Variants in GLRX3 observed in about 807,000 individuals in gnomAD.
GLRX3 encodes the protein glutaredoxin 3.
A neutral mutation model predicts 49.5 loss-of-function variants in GLRX3; 22 were observed. That is an observed-to-expected ratio of 0.44 (90% confidence interval 0.32 to 0.63). GLRX3 has a LOEUF of 0.63. GLRX3 is among the 30% of genes least tolerant of loss of function. The probability of loss-of-function intolerance (pLI) is 0.05; values close to 1 mark genes in which losing one functional copy is unlikely to be tolerated. For synonymous variants in GLRX3, 133 were observed against 140.0 expected (o/e 0.95, Z 0.35); for missense variants, 385 against 396.3 (o/e 0.97, Z 0.24).
At chr10:130,148,127 T>C (rs535659613) in intron 2 of GLRX3, among the ~76,000 whole-genome samples, 1 of 152,224 alleles carries the variant, frequency 6.6e-6, no homozygotes, top group African/African-American at 2.4e-5. Context: ...TCATCTTGTG[T>C]CTATTTGATT....
rs1040613823 is a variant in GLRX3, at chr10:130,160,913, G to A, written c.394G>A (p.Asp132Asn). Residue 132 changes from aspartate to asparagine, a missense_variant, in exon 4 of 11, where the codon GAT becomes AAT. Asp to Asn is a conservative substitution (Grantham distance 23, BLOSUM62 1). Transcript: ENST00000331244. Reference sequence around the variant, plus strand: ...CAGCGCTAATGAACATCTTAAAGAAGATCTCAACCTTCGCTTGAAGAAATT... The same window carrying A: ...CAGCGCTAATGAACATCTTAAAGAAAATCTCAACCTTCGCTTGAAGAAATT... Reference protein sequence around the residue: ...LPSANEHLKEDLNLRLKKLTH... With the variant: ...LPSANEHLKENLNLRLKKLTH... The A allele has an allele frequency of 1.9e-6, 3 of 1,613,594 alleles. No individual in the cohort carries two copies. The highest frequency in any genetic ancestry group is 1.3e-5 in the African/African-American group (1 of 75,018).
At chr10:130,160,703 C>G (rs1240453329) in intron 3 of GLRX3, 93 bp from the exon 4 acceptor site, 11 of 738,680 alleles carry the variant, frequency 1.5e-5, no homozygotes, top group Admixed American at 2.2e-5. Context: ...TTTTACATCT[C>G]CGGTAATACT....
rs1036790503 is a variant in GLRX3, at chr10:130,160,952, C to G, written c.433C>G (p.Pro145Ala). Residue 145 changes from proline (P) to alanine (A), a missense_variant, in exon 4 of 11, where the codon CCC (proline) becomes GCC (alanine). Pro to Ala is a conservative substitution (Grantham distance 27, BLOSUM62 -1). Around this residue, in one of 2 missense-constraint regions of GLRX3, gnomAD observed 374 missense variants for 358.6 expected, o/e 1.04. Coordinates refer to ENST00000331244, the MANE Select transcript of GLRX3 (RefSeq NM_006541.5). ...CTTGAAGAAATTGACTCATGCTGCC[C>G]CCTGCATGCTGTTTATGAAAGGAAC... The part of the protein sequence containing the change: ...LRLKKLTHAA[P>A]CMLFMKGTPQ... 6.2e-7 allele frequency: 1 copy of G among 1,613,462 alleles called. No homozygotes were observed. Among genetic ancestry groups the G allele is most frequent in the South Asian group, 1.1e-5 (1 of 91,064 alleles).
At chr10:130,138,301 C>G (rs1245955661) in intron 1 of GLRX3, among the ~76,000 whole-genome samples, 2 of 152,150 alleles carry the variant, frequency 1.3e-5, no homozygotes, top group Non-Finnish European at 2.9e-5. Flanking sequence ...TCAAGTGATT[C>G]GCCTGCCTCG....
At chr10:130,153,448 G>A (rs1210831553) in intron 2 of GLRX3, among the ~76,000 whole-genome samples, 1 of 152,130 alleles carries the variant, frequency 6.6e-6, no homozygotes. Flanking sequence ...ATCTACCTTT[G>A]GTCTTTGATG....
At chr10:130,136,773 C>T (rs993860620) in intron 1 of GLRX3, among the ~76,000 whole-genome samples, 2 of 152,150 alleles carry the variant, frequency 1.3e-5, no homozygotes, top group African/African-American at 2.4e-5. Context: ...GGCTCCGACC[C>T]CGACGGCTGT....
chr10:130,173,026 A>G (rs547161656), intron 8 of GLRX3, among the ~76,000 whole-genome samples: 3 of 152,350 alleles, frequency 2.0e-5, no homozygotes, highest in South Asian at 2.1e-4. Context: ...TGTAACTTCA[A>G]GCCTGTTCCT....
chr10:130,159,969 C>A, intron 2 of GLRX3, 26 bp from the exon 3 acceptor site: 3 of 1,454,398 alleles, frequency 2.1e-6, no homozygotes, highest in South Asian at 1.1e-5. Flanking sequence ...TTGTAATAAT[C>A]AAGCTTGAAT....
intron 1 of GLRX3, among the ~76,000 whole-genome samples, chr10:130,138,370 A>T (rs73389563): frequency 0.037 from 5,608 of 152,120 alleles, 193 homozygotes; most frequent in East Asian, 0.1. Context: ...TGTTGATCTA[A>T]ATTGAGTGAA....
chr10:130,168,184 A>G (rs549135944), intron 6 of GLRX3, among the ~76,000 whole-genome samples: 26 of 152,216 alleles, frequency 1.7e-4, no homozygotes, highest in Non-Finnish European at 3.1e-4. Context: ...TGGAGTAATA[A>G]TTTAAAGGGC....
chr10:130,166,729 A>G (rs1310033386), intron 5 of GLRX3, 50 bp downstream of exon 5: 1 of 1,268,642 alleles, frequency 7.9e-7, no homozygotes. Flanking sequence ...TTTAGAGCAT[A>G]CTTTTTAAAA....
chr10:130,158,494 G>A (rs1440853711), intron 2 of GLRX3, among the ~76,000 whole-genome samples: 1 of 151,716 alleles, frequency 6.6e-6, no homozygotes, highest in Admixed American at 6.6e-5. Flanking sequence ...CCTTTTTTTT[G>A]GATTTGTATT....
Position 130,166,690 on chromosome 10 carries a change from A to G in GLRX3, c.651+11A>G. Reference sequence around the variant, plus strand: ...CTTGATATAATTAAGGTTAGAATTGAGAAGTCTGTGCTTTGTAAAGAAATT... The same window carrying G: ...CTTGATATAATTAAGGTTAGAATTGGGAAGTCTGTGCTTTGTAAAGAAATT... On this transcript the variant is annotated intron_variant, in intron 5 of 10. Coordinates refer to ENST00000331244, the MANE Select transcript of GLRX3 (RefSeq NM_006541.5). 5 of 1,553,860 alleles carry G rather than the reference A, an allele frequency of 3.2e-6. No homozygotes were observed. The highest frequency in any genetic ancestry group is 4.4e-6 in the Non-Finnish European group (5 of 1,127,694).
intron 2 of GLRX3, among the ~76,000 whole-genome samples, chr10:130,149,086 ACTC>A (rs1862322326): frequency 6.6e-6 from 1 of 151,294 alleles, no homozygotes; most frequent in Non-Finnish European, 1.5e-5. Context: ...GTGCATCTGT[ACTC>A]CTTTTGGGTG....
chr10:130,177,935 G>A (rs1862954481), intron 10 of GLRX3, among the ~76,000 whole-genome samples: 1 of 152,114 alleles, frequency 6.6e-6, no homozygotes, highest in African/African-American at 2.4e-5. Flanking sequence ...TATTTATCAT[G>A]TCTGTCCTTT....
chr10:130,159,593 A>G (rs532996972), intron 2 of GLRX3, among the ~76,000 whole-genome samples: 3 of 152,338 alleles, frequency 2.0e-5, no homozygotes, highest in East Asian at 3.9e-4. Context: ...AAATTAGTCA[A>G]TAGAGCAAAC....
intron 8 of GLRX3, 55 bp downstream of exon 8, chr10:130,171,691 C>T (rs1413250709): frequency 8.6e-6 from 8 of 926,580 alleles, no homozygotes; most frequent in African/African-American, 1.6e-5. Flanking sequence ...CCTGGCCAGG[C>T]GTAGTGGCTC....
intron 1 of GLRX3, among the ~76,000 whole-genome samples, chr10:130,139,535 G>A (rs1357810963): frequency 6.6e-6 from 1 of 151,074 alleles, no homozygotes; most frequent in Non-Finnish European, 1.5e-5. Flanking sequence ...CCAGTTACTC[G>A]GGAAGCTGAG....
intron 2 of GLRX3, among the ~76,000 whole-genome samples, chr10:130,155,013 C>T (rs1862447363): frequency 6.6e-6 from 1 of 151,888 alleles, no homozygotes; most frequent in Admixed American, 6.6e-5. Flanking sequence ...GCTCTGTCAC[C>T]CAGGCCAGGG....
Sources: allele counts gnomAD v4.1 joint callset (sites outside exome capture counted in the v4.1 genomes callset), GRCh38; gene constraint gnomAD v4.1.1; regional missense constraint gnomAD v4.1.1; transcripts MANE v1.5; gene names NCBI Gene and HGNC (gene_info 2026-07-23, HGNC 2026-07-21).